STRN: variants seen among roughly 807,000 people sequenced by gnomAD.
STRN encodes striatin, also known as protein phosphatase 2 regulatory subunit B'''alpha.
A neutral mutation model predicts 96.3 loss-of-function variants in STRN; 53 were observed. That is an observed-to-expected ratio of 0.55 (90% CI 0.44 to 0.69). STRN has a LOEUF of 0.69. STRN is among the 30% of genes least tolerant of loss of function. The pLI is 0.00. For synonymous variants in STRN, 428 were observed against 355.9 expected, an observed-to-expected ratio of 1.20 and a Z score of -2.28; for missense variants, 987 against 963.9, an observed-to-expected ratio of 1.02 and a Z score of -0.32.
At chr2:36,953,691 C>A (rs528941089) in intron 1 of STRN, among the ~76,000 whole-genome samples, 181 of 152,262 alleles carry the variant, frequency 1.2e-3, no homozygotes, top group Admixed American at 3.5e-3. Context: ...CGTGAGCCAC[C>A]GTGCCAGGCC....
chr2:36,951,800 C>T (rs148040936), intron 1 of STRN, among the ~76,000 whole-genome samples: 1 of 152,274 alleles, frequency 6.6e-6, no homozygotes, highest in African/African-American at 2.4e-5. Context: ...GGTTCTCAAC[C>T]CCTGGGCCAC....
At chr2:36,885,130 T>C (rs1274585287) in intron 8 of STRN, among the ~76,000 whole-genome samples, 1 of 152,152 alleles carries the variant, frequency 6.6e-6, no homozygotes, top group East Asian at 1.9e-4. Flanking sequence ...CTTCTATTAG[T>C]AGGAATATTG....
intron 15 of STRN, among the ~76,000 whole-genome samples, chr2:36,854,664 G>A (rs909797739): frequency 6.6e-6 from 1 of 152,184 alleles, no homozygotes; most frequent in Non-Finnish European, 1.5e-5. Context: ...AACTGTGATT[G>A]TCTAGATTAT....
In STRN at chr2:36,848,777, T is replaced by C. The variant is rs985592493; in HGVS notation, c.*679A>G. The C allele has an allele frequency of 6.6e-6, 1 of 152,568 alleles. No individual in the cohort carries two copies. Among genetic ancestry groups the C allele is most frequent in the African/African-American group, 2.4e-5 (1 of 41,462 alleles). The allele number at this position is 152,568 out of a possible 1,614,324, so 9.5% of individuals were successfully genotyped here. The stretch of plus-strand genomic sequence containing the variant: ...AAACTTTAGAATGATACCAAATCTG[T>C]TTTCAAAACTGTAATACAATATAGA... On this transcript the variant is annotated 3_prime_UTR_variant, in exon 18 of 18. Coordinates refer to ENST00000263918, the MANE Select transcript of STRN (RefSeq NM_003162.4).
At position 36,899,556 on chromosome 2, in the gene STRN, A is replaced by G. The variant is rs1414190112; in HGVS notation, c.762T>C (p.Asp254=). ...FSDEDEDDDV[D]GREKSVIDTS... is the part of the protein sequence containing the mutation. Reference sequence around the variant, plus strand: ...TATCAATGACGCTTTTCTCTCTTCCATCAACATCATCATCTTCATCTTCAT... The same window carrying G: ...TATCAATGACGCTTTTCTCTCTTCCGTCAACATCATCATCTTCATCTTCAT... Residue 254 remains aspartate, a synonymous_variant, in exon 6 of 18, where the codon GAT becomes GAC. Coordinates refer to ENST00000263918, the MANE Select transcript of STRN (RefSeq NM_003162.4). 6.2e-7 allele frequency: 1 copy of G among 1,613,114 alleles called. No individual in the cohort carries two copies. The highest frequency in any genetic ancestry group is 1.7e-5 in the Admixed American group (1 of 59,610).
At chr2:36,938,207 C>A (rs1670754535) in intron 1 of STRN, among the ~76,000 whole-genome samples, 1 of 151,988 alleles carries the variant, frequency 6.6e-6, no homozygotes, top group South Asian at 2.1e-4. Flanking sequence ...GGGTGGATCA[C>A]CTGAGGTCAG....
intron 5 of STRN, among the ~76,000 whole-genome samples, chr2:36,901,112 C>T (rs1558644742): frequency 6.6e-6 from 1 of 152,070 alleles, no homozygotes; most frequent in Non-Finnish European, 1.5e-5. Context: ...CCTCCCCTAA[C>T]TCTTTATCCC....
chr2:36,937,142 G>C (rs111796718), intron 1 of STRN, among the ~76,000 whole-genome samples: 1 of 151,986 alleles, frequency 6.6e-6, no homozygotes, highest in South Asian at 2.1e-4. Flanking sequence ...TCGGGAGTTC[G>C]AGATAAGCCT....
intron 1 of STRN, among the ~76,000 whole-genome samples, chr2:36,952,428 C>A (rs1411973415): frequency 6.9e-6 from 1 of 144,828 alleles, no homozygotes; most frequent in Non-Finnish European, 1.5e-5. Flanking sequence ...CAGCCCTGCA[C>A]AGTGACCCTG....
chr2:36,946,535 G>GTCT (rs1479241735), intron 1 of STRN, among the ~76,000 whole-genome samples: 1 of 152,144 alleles, frequency 6.6e-6, no homozygotes, highest in Non-Finnish European at 1.5e-5. Context: ...TATTACCAAG[G>GTCT]TAAGCGCAAG....
chr2:36,923,968 T>G (rs1157754175), intron 2 of STRN, among the ~76,000 whole-genome samples: 1 of 152,130 alleles, frequency 6.6e-6, no homozygotes, highest in Non-Finnish European at 1.5e-5. Context: ...CCAAATTTAG[T>G]TACTGGAGTA....
chr2:36,938,114 T>C (rs1330973413), intron 1 of STRN, among the ~76,000 whole-genome samples: 1 of 152,172 alleles, frequency 6.6e-6, no homozygotes, highest in Admixed American at 6.5e-5. Flanking sequence ...AGAAGGAACA[T>C]ACTTAGTATA....
chr2:36,901,569 A>C (rs961738641), intron 5 of STRN, among the ~76,000 whole-genome samples: 3 of 130,908 alleles, frequency 2.3e-5, no homozygotes, highest in Non-Finnish European at 3.2e-5. Flanking sequence ...AAAAAAAAAA[A>C]CATTTATACT....
intron 10 of STRN, among the ~76,000 whole-genome samples, chr2:36,873,813 T>A (rs908046132): frequency 7.3e-5 from 11 of 151,212 alleles, no homozygotes; most frequent in African/African-American, 2.7e-4. Context: ...CATGGTGGCA[T>A]GTGCCTGTAA....
At position 36,957,258 on chromosome 2, in the gene STRN, C is replaced by G. The variant is rs563958960; in HGVS notation, c.234+8972G>C. Among the ~76,000 whole-genome samples the G allele has an allele frequency of 3.3e-5, 5 of 152,276 alleles. No homozygotes were observed. In the East Asian group the frequency reaches 9.6e-4, roughly 29 times the overall value. On this transcript the variant is annotated intron_variant, in intron 1 of 17. Transcript: ENST00000263918. Reference sequence around the variant, plus strand: ...TATTCACAACCAAAATTCACATCAGCTGGGTGGCCCAAACATCTTAAGTAA... The same window carrying G: ...TATTCACAACCAAAATTCACATCAGGTGGGTGGCCCAAACATCTTAAGTAA...
chr2:36,948,405 T>C (rs1452702544), intron 1 of STRN, among the ~76,000 whole-genome samples: 1 of 152,128 alleles, frequency 6.6e-6, no homozygotes, highest in Non-Finnish European at 1.5e-5. Flanking sequence ...CAGCCAGTTA[T>C]CAGTGTATTC....
At chr2:36,895,132 C>T (rs1172922005) in intron 6 of STRN, among the ~76,000 whole-genome samples, 1 of 152,038 alleles carries the variant, frequency 6.6e-6, no homozygotes. Flanking sequence ...TCGAGACCAT[C>T]CTGGCTAACA....
intron 14 of STRN, among the ~76,000 whole-genome samples, chr2:36,857,162 C>G (rs868234985): frequency 6.0e-5 from 9 of 151,120 alleles, no homozygotes; most frequent in Middle Eastern, 3.4e-3. Context: ...CCTGGCCTCT[C>G]GTGATCCTCC....
chr2:36,965,990 G>A (rs1665148586), intron 1 of STRN, among the ~76,000 whole-genome samples: 1 of 152,108 alleles, frequency 6.6e-6, no homozygotes, highest in African/African-American at 2.4e-5. Context: ...GGGATGGGGC[G>A]GACGAACAGG....
Sources: allele counts gnomAD v4.1 joint callset (sites outside exome capture counted in the v4.1 genomes callset), GRCh38; gene constraint gnomAD v4.1.1; transcripts MANE v1.5; gene names NCBI Gene and HGNC (gene_info 2026-07-23, HGNC 2026-07-21).